Variants in TMPRSS6 observed in about 807,000 individuals in gnomAD.
TMPRSS6 encodes the protein transmembrane serine protease 6, also known as transmembrane protease serine 6.
A neutral mutation model predicts 101.5 loss-of-function variants in TMPRSS6; 67 were observed. The ratio of observed to expected loss-of-function variants is 0.66; its 90% CI spans 0.54 to 0.81. The LOEUF is 0.81. TMPRSS6 is among the 30% of genes least tolerant of loss of function. TMPRSS6 has a pLI of 0.00. For missense variants in TMPRSS6, 1,034 were observed against 1,088.7 expected (o/e 0.95, Z 0.71); for synonymous variants, 453 against 464.9 (o/e 0.97, Z 0.33).
chr22:37,086,092 G>A (rs1338543836), intron 8 of TMPRSS6, among the ~76,000 whole-genome samples, 191 bp downstream of exon 8: 1 of 150,392 alleles, frequency 6.6e-6, no homozygotes, highest in Non-Finnish European at 1.5e-5. Flanking sequence ...GGAAGAGGGG[G>A]GTGGAAGTGC....
In TMPRSS6 at chr22:37,065,980, C is replaced by T. The variant is rs1460922124; in HGVS notation, c.*100G>A. ...CTCCTGCCACCACAGGGCCTGCTCT[C>T]TCCCCCACCCCCCGCCAGAATACTT... is the stretch of plus-strand genomic sequence containing the variant. On this transcript the variant is annotated 3_prime_UTR_variant, in exon 18 of 18. Transcript: ENST00000676104. The T allele has an allele frequency of 6.5e-7, 1 of 1,528,930 alleles. No individual in the cohort carries two copies. The highest frequency in any genetic ancestry group is 9.0e-7 in the Non-Finnish European group (1 of 1,110,302). The allele number at this position is 1,528,930 out of a possible 1,614,324, so 94.7% of individuals were successfully genotyped here. A position where few individuals can be genotyped will look rare whatever the true frequency, so the allele number is the denominator to read the frequency against.
intron 10 of TMPRSS6, among the ~76,000 whole-genome samples, chr22:37,075,795 G>A (rs572139855): frequency 2.6e-5 from 4 of 152,224 alleles, no homozygotes; most frequent in Admixed American, 1.3e-4. Flanking sequence ...CCAGCTACTC[G>A]GGAGGCTGAA....
Position 37,070,467 on chromosome 22 carries a change from C to T in TMPRSS6, c.1841+17G>A. On this transcript the variant is annotated intron_variant, in intron 15 of 17. Transcript: ENST00000676104. ...CCTTGTCTCTTACTGCCTAGGCCCC[C>T]ACACCCTCCCGCTCACCTGTCCTCC... is the stretch of plus-strand genomic sequence containing the variant. 1.9e-6 allele frequency: 3 copies of T among 1,613,350 alleles called. No individual in the cohort carries two copies. The highest frequency in any genetic ancestry group is 2.5e-6 in the Non-Finnish European group (3 of 1,179,898).
chr22:37,083,718 C>T (rs575693292), intron 10 of TMPRSS6, among the ~76,000 whole-genome samples: 1 of 152,352 alleles, frequency 6.6e-6, no homozygotes, highest in East Asian at 1.9e-4. Context: ...TAAGGACTCA[C>T]TTCTTTGTCG....
Position 37,109,648 on chromosome 22 carries a change from CCCTGTGG to C in TMPRSS6, c.-154_-148del. 1 of 152,338 alleles carries C rather than the reference CCCTGTGG, an allele frequency of 6.6e-6. No homozygotes were observed. The highest frequency in any genetic ancestry group is 2.1e-4 in the South Asian group (1 of 4,836). The allele number at this position is 152,338 out of a possible 1,614,324, so 9.4% of individuals were successfully genotyped here. On this transcript the variant is annotated 5_prime_UTR_variant, in exon 1 of 18. The change creates a premature stop within an existing upstream ORF in the 5' untranslated region. Transcript: ENST00000676104. ...ATGACCAGGGTGTCTGGCCCTTGTC[CCCTGTGG>C]CCTGTGGCCTCAGGCTCCATGGAAC...
chr22:37,105,757 A>G (rs984261966), intron 1 of TMPRSS6, among the ~76,000 whole-genome samples: 1 of 151,920 alleles, frequency 6.6e-6, no homozygotes, highest in Non-Finnish European at 1.5e-5. Context: ...CCAGCCTCCA[A>G]CTCCTGGGTT....
intron 7 of TMPRSS6, among the ~76,000 whole-genome samples, chr22:37,087,232 A>G (rs1166204120): frequency 1.3e-5 from 2 of 152,142 alleles, no homozygotes; most frequent in East Asian, 3.9e-4. Context: ...TCTGGAGTCC[A>G]GCGCATCTGA....
chr22:37,072,619 C>T (rs855790), intron 13 of TMPRSS6, among the ~76,000 whole-genome samples: 11 of 130,402 alleles, frequency 8.4e-5, no homozygotes, highest in South Asian at 5.3e-4. Flanking sequence ...GGATGATGGA[C>T]GATGGATGGA....
chr22:37,093,258 T>G (rs1233700326), intron 6 of TMPRSS6, among the ~76,000 whole-genome samples: 1 of 151,994 alleles, frequency 6.6e-6, no homozygotes, highest in African/African-American at 2.4e-5. Context: ...CACAGATAAT[T>G]ACAGAACAAC....
intron 11 of TMPRSS6, 24 bp downstream of exon 11, chr22:37,075,111 G>C: frequency 6.2e-7 from 1 of 1,613,722 alleles, no homozygotes. Flanking sequence ...ACTGCAGGGG[G>C]TTCCCCCGGC....
chr22:37,108,909 T>C (rs1601584201), intron 1 of TMPRSS6, among the ~76,000 whole-genome samples: 1 of 152,018 alleles, frequency 6.6e-6, no homozygotes, highest in South Asian at 2.1e-4. Flanking sequence ...CTTCCACACA[T>C]ATAAACACAC....
chr22:37,070,453 A>G lies in TMPRSS6; in HGVS notation c.1841+31T>C, dbSNP rs142218078. On this transcript the variant is annotated intron_variant, in intron 15 of 17. Transcript: ENST00000676104. ...CGGGCCTTCCCTGCCCTTGTCTCTT[A>G]CTGCCTAGGCCCCCACACCCTCCCG... 959 of 1,612,770 alleles carry G rather than the reference A, an allele frequency of 5.9e-4. 7 individuals carry two copies. In the African/African-American group the frequency reaches 0.011, roughly 19 times the overall value.
chr22:37,065,898 C>T lies in TMPRSS6; in HGVS notation c.*182G>A, dbSNP rs1926226792. On this transcript the variant is annotated 3_prime_UTR_variant, in exon 18 of 18. Transcript: ENST00000676104. The stretch of plus-strand genomic sequence containing the variant: ...ACGTCTTGACCCCCAGCTGCTGGCA[C>T]TTCTCCATCCTCCTGCCATCACTGG... 2 of 779,246 alleles carry T rather than the reference C, an allele frequency of 2.6e-6. No homozygotes were observed. Among genetic ancestry groups the T allele is most frequent in the Non-Finnish European group, 4.1e-6 (2 of 491,022 alleles). The allele number at this position is 779,246 out of a possible 1,614,324, so 48.3% of individuals were successfully genotyped here.
chr22:37,102,116 C>T (rs1930366240), intron 2 of TMPRSS6, among the ~76,000 whole-genome samples: 1 of 152,216 alleles, frequency 6.6e-6, no homozygotes, highest in Admixed American at 6.5e-5. Context: ...CCCCAGGTTG[C>T]TTTCAACAGG....
chr22:37,098,201 G>A (rs1194569242), intron 3 of TMPRSS6, among the ~76,000 whole-genome samples: 1 of 152,028 alleles, frequency 6.6e-6, no homozygotes, highest in East Asian at 1.9e-4. Flanking sequence ...CTGGTAAGAG[G>A]CATGATCAGG....
At chr22:37,068,675 C>T in intron 16 of TMPRSS6, 1 of 779,692 alleles carries the variant, frequency 1.3e-6, no homozygotes, top group East Asian at 2.4e-5. Flanking sequence ...AGCATCCGCC[C>T]GTAGGGCTGT....
At chr22:37,072,113 G>A (rs957807108) in intron 13 of TMPRSS6, among the ~76,000 whole-genome samples, 2 of 149,366 alleles carry the variant, frequency 1.3e-5, no homozygotes, top group East Asian at 2.0e-4. Flanking sequence ...ATGGATGGAC[G>A]GATGATGGAT....
In TMPRSS6 at chr22:37,091,455, G is replaced by A. The variant is rs184664319; in HGVS notation, c.632-1673C>T. ...GGCCCCCAGGGGAGGGGGTATATGGGGAGGGAACTGGAGAGAAGGAGGGAG... is the reference window on the plus strand; with the variant it reads ...GGCCCCCAGGGGAGGGGGTATATGGAGAGGGAACTGGAGAGAAGGAGGGAG... On this transcript the variant is annotated intron_variant, in intron 6 of 17. Transcript: ENST00000676104. Among the ~76,000 whole-genome samples, 302 of 152,236 alleles carry A rather than the reference G, an allele frequency of 2.0e-3. 1 individual carries two copies. The highest frequency in any genetic ancestry group is 6.9e-3 in the African/African-American group (288 of 41,510).
At chr22:37,100,356 G>A (rs1930202115) in intron 2 of TMPRSS6, among the ~76,000 whole-genome samples, 1 of 152,256 alleles carries the variant, frequency 6.6e-6, no homozygotes, top group African/African-American at 2.4e-5. Context: ...AAGGAGGCAG[G>A]GCAGAGGCAG....
Sources: allele counts gnomAD v4.1 joint callset (sites outside exome capture counted in the v4.1 genomes callset), GRCh38; gene constraint gnomAD v4.1.1; transcripts MANE v1.5; gene names NCBI Gene and HGNC (gene_info 2026-07-23, HGNC 2026-07-21).